The following CAMK2D variants were observed in gnomAD, a reference collection of about 807,000 sequenced individuals.
CAMK2D encodes calcium/calmodulin dependent protein kinase II delta.
Under a neutral mutation model 84.0 loss-of-function variants are expected in CAMK2D, and 37 were observed. That is an observed-to-expected ratio of 0.44 (90% confidence interval 0.34 to 0.58). The LOEUF (loss-of-function observed/expected upper bound fraction) is 0.58, where lower values mean the gene tolerates loss of function less well. Among genes scored for constraint, CAMK2D ranks in the 20% least tolerant of loss-of-function variants. The pLI is 0.02. For synonymous variants in CAMK2D, 202 were observed against 212.5 expected (o/e 0.95, Z 0.43); for missense variants, 448 against 652.5 (o/e 0.69, Z 3.41).
intron 16 of CAMK2D, among the ~76,000 whole-genome samples, chr4:113,479,806 G>T (rs1335062188): frequency 6.6e-5 from 10 of 152,078 alleles, no homozygotes; most frequent in African/African-American, 2.4e-4. Flanking sequence ...TGGATTTATG[G>T]ACTGTTTTAA....
At chr4:113,663,548 C>T (rs570529485) in intron 2 of CAMK2D, among the ~76,000 whole-genome samples, 98 of 151,336 alleles carry the variant, frequency 6.5e-4, no homozygotes, top group African/African-American at 2.1e-3. Context: ...AAGAACGTGC[C>T]GCTGCACTCC....
intron 2 of CAMK2D, among the ~76,000 whole-genome samples, chr4:113,734,442 G>A (rs988354713): frequency 1.3e-5 from 2 of 152,076 alleles, no homozygotes; most frequent in African/African-American, 4.8e-5. Flanking sequence ...TAAGGTAGTA[G>A]AATTTTTACA....
At chr4:113,527,091 T>G (rs1034316758) in intron 8 of CAMK2D, among the ~76,000 whole-genome samples, 1 of 152,072 alleles carries the variant, frequency 6.6e-6, no homozygotes, top group Non-Finnish European at 1.5e-5. Flanking sequence ...TTAACTGATG[T>G]GGCAAACTTC....
chr4:113,605,841 G>C (rs1437435709), intron 4 of CAMK2D, among the ~76,000 whole-genome samples: 1 of 152,118 alleles, frequency 6.6e-6, no homozygotes, highest in African/African-American at 2.4e-5. Context: ...TCTGGTATGA[G>C]AGAAGGCCTG....
chr4:113,517,323 A>C (rs2098297804), intron 9 of CAMK2D, among the ~76,000 whole-genome samples: 1 of 152,208 alleles, frequency 6.6e-6, no homozygotes, highest in African/African-American at 2.4e-5. Context: ...ATATTTTGAC[A>C]AAGTTCTTCC....
chr4:113,588,164 T>C (rs979253515), intron 4 of CAMK2D, among the ~76,000 whole-genome samples: 8 of 151,968 alleles, frequency 5.3e-5, no homozygotes, highest in African/African-American at 1.9e-4. Context: ...TCTTGGCACC[T>C]TGTGGGTTTG....
intron 8 of CAMK2D, among the ~76,000 whole-genome samples, chr4:113,529,200 AT>A (rs2098441879): frequency 6.6e-6 from 1 of 152,178 alleles, no homozygotes; most frequent in African/African-American, 2.4e-5. Flanking sequence ...ATAGTGCCCT[AT>A]TTTACCACTG....
chr4:113,497,669 C>A (rs961927571), intron 16 of CAMK2D, among the ~76,000 whole-genome samples: 3 of 152,190 alleles, frequency 2.0e-5, no homozygotes, highest in African/African-American at 7.2e-5. Flanking sequence ...TGTTTCTTTA[C>A]ATTGGAGAGG....
At chr4:113,460,361 C>T (rs1257406684) in intron 17 of CAMK2D, 120 bp from the exon 18 acceptor site, 14 of 699,310 alleles carry the variant, frequency 2.0e-5, no homozygotes, top group African/African-American at 3.6e-5. Context: ...AAAACACTTA[C>T]ATACAAAAGT....
At chr4:113,748,028 C>T (rs1380383001) in intron 2 of CAMK2D, among the ~76,000 whole-genome samples, 1 of 147,150 alleles carries the variant, frequency 6.8e-6, no homozygotes, top group Non-Finnish European at 1.5e-5. Context: ...GTTTTTTTTC[C>T]TACCTATCTC....
At chr4:113,591,922 C>T (rs2098888844) in intron 4 of CAMK2D, among the ~76,000 whole-genome samples, 1 of 152,130 alleles carries the variant, frequency 6.6e-6, no homozygotes, top group Non-Finnish European at 1.5e-5. Flanking sequence ...TTAGGGCTCA[C>T]CACAGTTTAT....
chr4:113,483,414 T>C (rs934934171), intron 16 of CAMK2D, among the ~76,000 whole-genome samples: 1 of 152,142 alleles, frequency 6.6e-6, no homozygotes, highest in African/African-American at 2.4e-5. Flanking sequence ...TGCTTCTTTT[T>C]TTTTTTTTGA....
chr4:113,738,220 A>C (rs1361953567), intron 2 of CAMK2D, among the ~76,000 whole-genome samples: 1 of 152,050 alleles, frequency 6.6e-6, no homozygotes, highest in Non-Finnish European at 1.5e-5. Context: ...AAAAAAAAAA[A>C]AACTACTGTG....
intron 4 of CAMK2D, among the ~76,000 whole-genome samples, chr4:113,598,080 A>C (rs1482134165): frequency 6.6e-6 from 1 of 152,218 alleles, no homozygotes; most frequent in Non-Finnish European, 1.5e-5. Flanking sequence ...AGCCAAGAGA[A>C]TATTGATGGA....
chr4:113,611,398 T>C (rs942882186), intron 3 of CAMK2D, among the ~76,000 whole-genome samples: 3 of 152,150 alleles, frequency 2.0e-5, no homozygotes, highest in African/African-American at 7.2e-5. Context: ...AAAGAACTCA[T>C]AACAATTATT....
chr4:113,723,453 G>T (rs922186569), intron 2 of CAMK2D, among the ~76,000 whole-genome samples: 1 of 151,996 alleles, frequency 6.6e-6, no homozygotes, highest in Non-Finnish European at 1.5e-5. Flanking sequence ...CGAACTCATG[G>T]CCTCAAGTGA....
At chr4:113,577,004 G>A (rs775403816) in intron 4 of CAMK2D, among the ~76,000 whole-genome samples, 4 of 151,992 alleles carry the variant, frequency 2.6e-5, no homozygotes, top group African/African-American at 9.7e-5. Flanking sequence ...ATAGCCAATC[G>A]TTTTACCACA....
intron 3 of CAMK2D, among the ~76,000 whole-genome samples, chr4:113,632,362 C>T (rs1046353052): frequency 6.6e-6 from 1 of 151,692 alleles, no homozygotes; most frequent in Non-Finnish European, 1.5e-5. Flanking sequence ...TAGTTGGAAT[C>T]GCAGGCATGC....
chr4:113,755,150 C>T (rs999824665), intron 2 of CAMK2D: 3 of 612,352 alleles, frequency 4.9e-6, no homozygotes, highest in Non-Finnish European at 6.1e-6. Context: ...CCTTTTACAA[C>T]ATCAAAAAAG....
Sources: allele counts gnomAD v4.1 joint callset (sites outside exome capture counted in the v4.1 genomes callset), GRCh38; gene constraint gnomAD v4.1.1; transcripts MANE v1.5; gene names NCBI Gene and HGNC (gene_info 2026-07-23, HGNC 2026-07-21).